Variants in FNBP4 observed in about 807,000 individuals in gnomAD.
The protein encoded by FNBP4 is formin binding protein 4.
In FNBP4, 34 loss-of-function variants were observed where a neutral mutation model predicts 119.3. The ratio of observed to expected loss-of-function variants is 0.28; its 90% CI spans 0.22 to 0.38. The LOEUF is 0.38. Ranked by LOEUF, FNBP4 falls within the 10% of genes least tolerant of loss-of-function variation. The pLI, the probability that FNBP4 is intolerant of heterozygous loss-of-function variation, is 1.00. For missense variants in FNBP4, 1,112 were observed against 1,228.9 expected, an observed-to-expected ratio of 0.90 and a Z score of 1.42; for synonymous variants, 462 against 430.6, an observed-to-expected ratio of 1.07 and a Z score of -0.90.
intron 6 of FNBP4, 68 bp downstream of exon 6, chr11:47,750,848 A>G (rs1289754219): frequency 1.3e-6 from 2 of 1,521,350 alleles, no homozygotes; most frequent in Non-Finnish European, 1.8e-6. Context: ...GAAGGCTTCC[A>G]CTCCTGTGCT....
intron 12 of FNBP4, chr11:47,726,986 A>G (rs1031128819): frequency 2.0e-5 from 3 of 152,346 alleles, no homozygotes; most frequent in African/African-American, 7.2e-5. Flanking sequence ...CTGCACTCGG[A>G]CCAGCCAGAT....
At chr11:47,735,238 A>G (rs1294080335) in intron 9 of FNBP4, among the ~76,000 whole-genome samples, 2 of 152,344 alleles carry the variant, frequency 1.3e-5, no homozygotes, top group African/African-American at 4.8e-5. Flanking sequence ...GCTGGAAAAA[A>G]TAGATCCTGA....
Position 47,767,276 on chromosome 11 carries a change from A to G in FNBP4, c.13T>C (p.Ser5Pro). 1 of 1,532,188 alleles carries G rather than the reference A, an allele frequency of 6.5e-7. No individual in the cohort carries two copies. The highest frequency in any genetic ancestry group is 1.4e-5 in the African/African-American group (1 of 71,526). 94.9% of individuals were successfully genotyped at this position (1,532,188 alleles called of 1,614,324 possible). MGKK[S>P]RAVPGRRPIL... is the part of the protein sequence containing the mutation. ...GGCCTACGGCCGGGTACCGCCCGGG[A>G]CTTCTTCCCCATCGCGAGCCCAAGC... The change falls in exon 1 of 17, where the codon TCC (serine) becomes CCC (proline). Residue 5 changes from serine to proline, a missense_variant. By Grantham distance (74) the Ser-to-Pro change is moderately conservative. Transcript: ENST00000263773.
chr11:47,760,831 T>TG (rs1313479821), intron 2 of FNBP4, among the ~76,000 whole-genome samples: 1 of 152,172 alleles, frequency 6.6e-6, no homozygotes, highest in Non-Finnish European at 1.5e-5. Flanking sequence ...CCCATAGTGT[T>TG]GGGAGGCGGC....
chr11:47,746,739 C>T (rs777790210), intron 6 of FNBP4, among the ~76,000 whole-genome samples: 1 of 152,142 alleles, frequency 6.6e-6, no homozygotes, highest in African/African-American at 2.4e-5. Context: ...TCTCAAACTA[C>T]TGACCTTGTG....
Position 47,756,775 on chromosome 11 carries a change from A to G in FNBP4, c.314-2111T>C, listed in dbSNP as rs555167157. ...TGTTCTCATTGTTCAATTCCTACCT[A>G]TGAGTGAGAATATGTGGTGTTTGGT... On this transcript the variant is annotated intron_variant, in intron 2 of 16. Transcript: ENST00000263773. Among the ~76,000 whole-genome samples the G allele has an allele frequency of 7.6e-4, 114 of 149,206 alleles. 1 individual carries two copies. Among genetic ancestry groups the G allele is most frequent in the Non-Finnish European group, 1.1e-3 (77 of 67,484 alleles).
At chr11:47,743,628 A>C (rs756405270) in intron 8 of FNBP4, among the ~76,000 whole-genome samples, 4 of 152,166 alleles carry the variant, frequency 2.6e-5, no homozygotes, top group Non-Finnish European at 5.9e-5. Flanking sequence ...TTATTACCTG[A>C]ATGAAGACAA....
chr11:47,765,526 T>C (rs1233626138), intron 1 of FNBP4, among the ~76,000 whole-genome samples, 164 bp from the exon 2 acceptor site: 2 of 118,906 alleles, frequency 1.7e-5, no homozygotes, highest in Non-Finnish European at 3.3e-5. Flanking sequence ...GCATTTCGGA[T>C]GGGTTCGCAC....
intron 12 of FNBP4, chr11:47,726,566 G>A (rs544729382): frequency 1.3e-5 from 2 of 151,836 alleles, no homozygotes; most frequent in Admixed American, 6.6e-5. Context: ...TAAGACAGCT[G>A]CTTACTGCCA....
chr11:47,751,026 C>G lies in FNBP4; in HGVS notation c.796G>C (p.Gly266Arg). The change falls in exon 6 of 17, where the codon GGT (glycine) becomes CGT (arginine). Residue 266 changes from glycine to arginine, a missense_variant. This residue lies in a region of FNBP4 where 826 missense variants were observed against 988.8 expected (regional missense o/e 0.84). Coordinates refer to ENST00000263773, the MANE Select transcript of FNBP4 (RefSeq NM_015308.5). ...LQHYQPSSVP[G>R]AETSFVVNTD... ...TTTACCACAAAACTAGTTTCAGCAC[C>G]TGGCACAGAACTAAAAAAATATATA... The G allele has an allele frequency of 6.2e-7, 1 of 1,613,832 alleles. No homozygotes were observed. Among genetic ancestry groups the G allele is most frequent in the Non-Finnish European group, 8.5e-7 (1 of 1,179,952 alleles).
intron 8 of FNBP4, among the ~76,000 whole-genome samples, chr11:47,742,915 A>G (rs1304163678): frequency 4.0e-5 from 6 of 151,882 alleles, no homozygotes. Flanking sequence ...AAAAGAAAAG[A>G]AAAAATTCAA....
Position 47,731,386 on chromosome 11 carries a change from C to T in FNBP4, c.1996G>A (p.Glu666Lys). 1 of 1,610,984 alleles carries T rather than the reference C, an allele frequency of 6.2e-7. No homozygotes were observed. Among genetic ancestry groups the T allele is most frequent in the Non-Finnish European group, 8.5e-7 (1 of 1,178,956 alleles). Reference protein sequence around the residue: ...GTDSNSTESSETSTGSLCKES... With the variant: ...GTDSNSTESSKTSTGSLCKES... ...TAAATTGTCTCACCTGTGGAAGTTTCAGAGGATTCTGTTGAATTTGAATCA... is the reference window on the plus strand; with the variant it reads ...TAAATTGTCTCACCTGTGGAAGTTTTAGAGGATTCTGTTGAATTTGAATCA... The change falls in exon 12 of 17, where the codon GAA becomes AAA. Residue 666 changes from glutamate to lysine, a missense_variant. By Grantham distance (56) the Glu-to-Lys change is moderately conservative. Coordinates refer to ENST00000263773, the MANE Select transcript of FNBP4 (RefSeq NM_015308.5).
intron 6 of FNBP4, 78 bp downstream of exon 6, chr11:47,750,838 G>C (rs567330358): frequency 6.9e-7 from 1 of 1,441,122 alleles, no homozygotes; most frequent in Non-Finnish European, 9.5e-7. Context: ...AATATTAAGA[G>C]AAGGCTTCCA....
At chr11:47,762,138 G>GT (rs560691118) in intron 2 of FNBP4, among the ~76,000 whole-genome samples, 45,636 of 137,954 alleles carry the variant, frequency 0.33, 7,443 homozygotes, top group Middle Eastern at 0.41. Flanking sequence ...GCGTCTGGCT[G>GT]TTTTTTTTTT....
chr11:47,732,449 C>G lies in FNBP4; in HGVS notation c.1820+88G>C, dbSNP rs1350828308. 1.3e-6 allele frequency: 2 copies of G among 1,583,944 alleles called. No homozygotes were observed. The highest frequency in any genetic ancestry group is 1.3e-5 in the African/African-American group (1 of 74,280). On this transcript the variant is annotated intron_variant, in intron 11 of 16. Coordinates refer to ENST00000263773, the MANE Select transcript of FNBP4 (RefSeq NM_015308.5). This position sits in a 1 kb window ranked among gnomAD's most constrained non-coding sequence, Gnocchi z 4.2. The stretch of plus-strand genomic sequence containing the variant: ...ACTGCAGCTGCTCTCAGTCTCCAGA[C>G]AGGCTGTCATGTCGTCAGATGGTGG...
At chr11:47,749,355 G>C (rs956119922) in intron 6 of FNBP4, among the ~76,000 whole-genome samples, 1 of 151,722 alleles carries the variant, frequency 6.6e-6, no homozygotes, top group Non-Finnish European at 1.5e-5. Context: ...TTGAGGTCAG[G>C]AGTTCAAGAC....
At position 47,754,399 on chromosome 11, in the gene FNBP4, CA is replaced by C. The variant is rs1333468752; in HGVS notation, c.450+128del. 5 of 872,914 alleles carry C rather than the reference CA, an allele frequency of 5.7e-6. No homozygotes were observed. The African/African-American group carries it at 8.5e-5, about 15-fold the overall frequency. 54.1% of individuals were successfully genotyped at this position (872,914 alleles called of 1,614,324 possible). Reference sequence around the variant, plus strand: ...AGAGAGATAGAGATCGGGAGAAATACAAGAGAGTGTTGGAGGGAGAGGGAGA... The same window carrying C: ...AGAGAGATAGAGATCGGGAGAAATACAGAGAGTGTTGGAGGGAGAGGGAGA... On this transcript the variant is annotated intron_variant, in intron 3 of 16. Transcript: ENST00000263773.
intron 12 of FNBP4, 102 bp from the exon 13 acceptor site, chr11:47,724,880 A>T: frequency 3.5e-6 from 5 of 1,439,274 alleles, no homozygotes; most frequent in Non-Finnish European, 3.7e-6. Context: ...ATTTATAGGA[A>T]CCTAGCACAG....
At chr11:47,720,491 C>G (rs2097554354) in intron 15 of FNBP4, among the ~76,000 whole-genome samples, 1 of 151,972 alleles carries the variant, frequency 6.6e-6, no homozygotes, top group Admixed American at 6.6e-5. Context: ...TGGCATGAAC[C>G]TGGGAGGCGG....
Sources: gnomAD v4.1 joint callset for allele counts (sites outside exome capture counted in the v4.1 genomes callset) on GRCh38, gnomAD v4.1.1 for gene constraint, gnomAD v4.1.1 regional missense constraint, Gnocchi (gnomAD v3.1) non-coding constraint, MANE v1.5 for transcripts, NCBI Gene and HGNC (gene_info 2026-07-23, HGNC 2026-07-21) for gene names.